Variants in RSL1D1 observed in about 807,000 individuals in gnomAD.
RSL1D1 encodes ribosomal L1 domain-containing protein 1.
Under a neutral mutation model 44.6 loss-of-function variants are expected in RSL1D1, and 34 were observed. That is an observed-to-expected ratio of 0.76 (90% CI 0.58 to 1.02). RSL1D1 has a LOEUF of 1.02. Among genes scored for constraint, RSL1D1 ranks in the 50% least tolerant of loss-of-function variants. The pLI is 0.00. For missense variants in RSL1D1, 767 were observed against 568.1 expected (o/e 1.35, Z -3.56); for synonymous variants, 271 against 207.4 (o/e 1.31, Z -2.63).
intron 5 of RSL1D1, among the ~76,000 whole-genome samples, chr16:11,843,704 T>TA (rs1025038971): frequency 6.0e-5 from 9 of 150,882 alleles, no homozygotes; most frequent in Non-Finnish European, 8.9e-5. Context: ...CCGTCTCTAC[T>TA]AAAAAAATAC....
intron 8 of RSL1D1, among the ~76,000 whole-genome samples, chr16:11,838,411 C>G (rs1020622704): frequency 6.6e-6 from 1 of 152,068 alleles, no homozygotes; most frequent in African/African-American, 2.4e-5. Flanking sequence ...GATCCACCTG[C>G]CTCGGCCTCC....
chr16:11,841,857 CTTTGT>C, intron 6 of RSL1D1, 37 bp from the exon 7 acceptor site: 1 of 1,612,192 alleles, frequency 6.2e-7, no homozygotes. Context: ...TCTACATATA[CTTTGT>C]TTCTTTTAAA....
chr16:11,849,862 AT>A (rs898515673), intron 2 of RSL1D1, among the ~76,000 whole-genome samples: 4 of 151,716 alleles, frequency 2.6e-5, no homozygotes, highest in Non-Finnish European at 5.9e-5. Context: ...ATTATTTTTT[AT>A]TTTTTTGAGA....
At position 11,835,653 on chromosome 16, in the gene RSL1D1, C is replaced by T. The variant is rs901734863; in HGVS notation, c.*2134G>A. ...GGACCACAGGCATGTTCCACCACACCCAGCTTATTTTTGGTAAAGATGGGG... is the reference window on the plus strand; with the variant it reads ...GGACCACAGGCATGTTCCACCACACTCAGCTTATTTTTGGTAAAGATGGGG... On this transcript the variant is annotated 3_prime_UTR_variant, in exon 9 of 9. Transcript: ENST00000571133. 1 of 152,160 alleles carries T rather than the reference C, an allele frequency of 6.6e-6. No homozygotes were observed. The highest frequency in any genetic ancestry group is 1.5e-5 in the Non-Finnish European group (1 of 68,096). The allele number at this position is 152,160 out of a possible 1,614,324, so 9.4% of individuals were successfully genotyped here.
At chr16:11,846,886 T>A (rs2053802813) in intron 3 of RSL1D1, 43 bp from the exon 4 acceptor site, 1 of 1,512,198 alleles carries the variant, frequency 6.6e-7, no homozygotes, top group Non-Finnish European at 9.1e-7. Context: ...GTTAGGAATC[T>A]AAACAAGGAG....
chr16:11,838,143 G>GA, intron 8 of RSL1D1, 30 bp from the exon 9 acceptor site: 1 of 1,511,610 alleles, frequency 6.6e-7, no homozygotes, highest in Non-Finnish European at 8.9e-7. Context: ...GTTTAATATA[G>GA]AAAAAGCCAC....
rs117212343 is a variant in RSL1D1 at position 11,835,199 on chromosome 16, T to C, written c.*2588A>G. The C allele has an allele frequency of 0.033, 5,076 of 152,046 alleles. 119 individuals carry two copies. The highest frequency in any genetic ancestry group is 0.051 in the Middle Eastern group (15 of 294). The allele number at this position is 152,046 out of a possible 1,614,324, so 9.4% of individuals were successfully genotyped here. ...AGAGCTAGATGTTTTTTTTTTTCTC[T>C]TTTTTTCAGTTTTGCTCTGCCGCCC... is the stretch of plus-strand genomic sequence containing the variant. On this transcript the variant is annotated 3_prime_UTR_variant, in exon 9 of 9. Transcript: ENST00000571133.
intron 2 of RSL1D1, among the ~76,000 whole-genome samples, chr16:11,848,430 G>A (rs1325873734): frequency 6.6e-6 from 1 of 152,194 alleles, no homozygotes; most frequent in Non-Finnish European, 1.5e-5. Flanking sequence ...CACACGTACT[G>A]TAATGCGCTA....
rs1223416721 is a variant in RSL1D1, at chr16:11,846,548, G to A, written c.588C>T (p.Asp196=). ...LSKNLSREIN[D]CIGGTVLNIS... ...TGTTTAAGACTGTTCCACCTATACAGTCATTGATCTCTCTTGATAAATTCT... is the reference window on the plus strand; with the variant it reads ...TGTTTAAGACTGTTCCACCTATACAATCATTGATCTCTCTTGATAAATTCT... The change falls in exon 5 of 9, where the codon GAC becomes GAT. Residue 196 remains aspartate, a synonymous_variant. Coordinates refer to ENST00000571133, the MANE Select transcript of RSL1D1 (RefSeq NM_015659.3). 2.5e-6 allele frequency: 4 copies of A among 1,607,712 alleles called. No individual in the cohort carries two copies. Among genetic ancestry groups the A allele is most frequent in the Non-Finnish European group, 3.4e-6 (4 of 1,177,140 alleles).
At chr16:11,838,369 G>C (rs573664512) in intron 8 of RSL1D1, among the ~76,000 whole-genome samples, 1 of 151,722 alleles carries the variant, frequency 6.6e-6, no homozygotes, top group Non-Finnish European at 1.5e-5. Context: ...CACCATGTTA[G>C]CCAGGCTGGT....
intron 5 of RSL1D1, among the ~76,000 whole-genome samples, chr16:11,844,258 T>C (rs1596440934): frequency 6.6e-6 from 1 of 152,160 alleles, no homozygotes; most frequent in Non-Finnish European, 1.5e-5. Context: ...TGGGGAAAGG[T>C]AAGAGAGGAA....
At position 11,841,982 on chromosome 16, in the gene RSL1D1, G is replaced by C. The variant is rs757426918; in HGVS notation, c.654C>G (p.His218Gln). ...TGATGTGCTCAATTTGCATTCCAAC[G>C]TGACCAATACGTATAGCACTGAAAT... ...SGSCSAIRIGHVGMQIEHIIE... is the reference protein window; with the variant it reads ...SGSCSAIRIGQVGMQIEHIIE... Residue 218 changes from histidine (H) to glutamine (Q), a missense_variant, in exon 6 of 9, where the codon CAC becomes CAG. His to Gln is a conservative substitution (Grantham distance 24). Transcript: ENST00000571133. 4.3e-6 allele frequency: 7 copies of C among 1,613,058 alleles called. No homozygotes were observed. In the Middle Eastern group the frequency reaches 6.6e-4, roughly 152 times the overall value.
Position 11,836,991 on chromosome 16 carries a change from T to G in RSL1D1, c.*796A>C, listed in dbSNP as rs562559098. ...AAGCAATGTTATACTTTGTTTTTTC[T>G]GAGACAGAATCTCACACTGTCACCC... On this transcript the variant is annotated 3_prime_UTR_variant, in exon 9 of 9. Transcript: ENST00000571133. The G allele has an allele frequency of 5.9e-5, 9 of 152,142 alleles. 1 individual carries two copies. The South Asian group carries it at 1.9e-3, about 32-fold the overall frequency. The allele number at this position is 152,142 out of a possible 1,614,324, so 9.4% of individuals were successfully genotyped here.
At chr16:11,845,968 A>G (rs2053794590) in intron 5 of RSL1D1, among the ~76,000 whole-genome samples, 1 of 152,042 alleles carries the variant, frequency 6.6e-6, no homozygotes, top group Admixed American at 6.6e-5. Flanking sequence ...CCTGGGCTCA[A>G]GCGATCCTCC....
chr16:11,845,383 T>C (rs886275833), intron 5 of RSL1D1, among the ~76,000 whole-genome samples: 4 of 151,950 alleles, frequency 2.6e-5, no homozygotes, highest in African/African-American at 4.8e-5. Flanking sequence ...AGCCAAGGAG[T>C]TGGAGGTTGC....
intron 5 of RSL1D1, among the ~76,000 whole-genome samples, chr16:11,843,820 G>C (rs1186667865): frequency 8.0e-6 from 1 of 124,462 alleles, no homozygotes; most frequent in Non-Finnish European, 1.6e-5. Flanking sequence ...GCAGTGAGCT[G>C]AGATCAAGCC....
In RSL1D1 at chr16:11,837,704, G is replaced by C; in HGVS notation, c.*83C>G. The stretch of plus-strand genomic sequence containing the variant: ...AGTCCAGGCCTGACGTTTAGAGAAG[G>C]TTACAAAGGCGGCCAGGATCTGAGT... On this transcript the variant is annotated 3_prime_UTR_variant, in exon 9 of 9. Coordinates refer to ENST00000571133, the MANE Select transcript of RSL1D1 (RefSeq NM_015659.3). The C allele has an allele frequency of 7.9e-7, 1 of 1,265,202 alleles. No individual in the cohort carries two copies. Among genetic ancestry groups the C allele is most frequent in the South Asian group, 1.4e-5 (1 of 69,552 alleles). The allele number at this position is 1,265,202 out of a possible 1,614,324, so 78.4% of individuals were successfully genotyped here. A position where few individuals can be genotyped will look rare whatever the true frequency, so the allele number is the denominator to read the frequency against.
chr16:11,842,817 G>A (rs566168330), intron 5 of RSL1D1, among the ~76,000 whole-genome samples: 273 of 151,512 alleles, frequency 1.8e-3, no homozygotes, highest in African/African-American at 6.4e-3. Context: ...GTGCAGTGAC[G>A]TGATCTCGGC....
rs544410941 is a variant in RSL1D1 at position 11,839,332 on chromosome 16, C to A, written c.1146+363G>T. 2.0e-5 allele frequency among the ~76,000 whole-genome samples: 3 copies of A among 149,450 alleles called. No homozygotes were observed. The East Asian group carries it at 5.9e-4, about 29-fold the overall frequency. On this transcript the variant is annotated intron_variant, in intron 8 of 8. Transcript: ENST00000571133. ...AGTGAGCTGAGATCATGCCACTGCA[C>A]TCTAGCCTGGGTGACAGAGTGAGAC... is the stretch of plus-strand genomic sequence containing the variant.
Sources: gnomAD v4.1 joint callset for allele counts (sites outside exome capture counted in the v4.1 genomes callset) on GRCh38, gnomAD v4.1.1 for gene constraint, MANE v1.5 for transcripts, NCBI Gene and HGNC (gene_info 2026-07-23, HGNC 2026-07-21) for gene names.